The following CADM2 variants were observed in gnomAD, a reference collection of about 807,000 sequenced individuals.
CADM2 encodes cell adhesion molecule 2, also known as immunoglobulin superfamily member 4D.
A neutral mutation model predicts 49.8 loss-of-function variants in CADM2; 12 were observed. The observed-to-expected ratio is 0.24, with a 90% CI of 0.15 to 0.39. The LOEUF is 0.39. Among genes scored for constraint, CADM2 ranks in the 10% least tolerant of loss-of-function variants. CADM2 has a pLI of 1.00. For synonymous variants in CADM2, 214 were observed against 175.4 expected (o/e 1.22, Z -1.74); for missense variants, 378 against 492.3 (o/e 0.77, Z 2.20).
chr3:85,185,110 G>A (rs570867530), intron 1 of CADM2, among the ~76,000 whole-genome samples: 3 of 152,180 alleles, frequency 2.0e-5, no homozygotes, highest in Admixed American at 1.3e-4. Flanking sequence ...ATATATTGCA[G>A]CACTCTTCTG....
intron 3 of CADM2, among the ~76,000 whole-genome samples, chr3:85,806,976 A>T (rs1039577765): frequency 2.0e-5 from 3 of 152,196 alleles, no homozygotes; most frequent in African/African-American, 7.2e-5. Flanking sequence ...ATAAGACCTA[A>T]CAATCAAGGA....
intron 2 of CADM2, among the ~76,000 whole-genome samples, chr3:85,726,847 T>A (rs950873476): frequency 5.9e-5 from 9 of 152,086 alleles, no homozygotes; most frequent in Non-Finnish European, 1.3e-4. Flanking sequence ...GTACCTTAGT[T>A]TCCTTGATAA....
intron 1 of CADM2, among the ~76,000 whole-genome samples, chr3:85,496,483 A>G (rs2039903771): frequency 6.6e-6 from 1 of 152,148 alleles, no homozygotes; most frequent in Non-Finnish European, 1.5e-5. Flanking sequence ...TGCTATTGTG[A>G]ATAGTGTTGC....
chr3:86,017,826 A>C (rs923229261), intron 8 of CADM2, among the ~76,000 whole-genome samples: 3 of 134,558 alleles, frequency 2.2e-5, no homozygotes, highest in African/African-American at 7.5e-5. Context: ...GTACCCTTAA[A>C]AACTTTTTTC....
In CADM2 at chr3:85,695,909, C is replaced by A. The variant is rs150103224; in HGVS notation, c.62-30613C>A. On this transcript the variant is annotated intron_variant, in intron 1 of 9. Coordinates refer to ENST00000383699, the MANE Select transcript of CADM2 (RefSeq NM_001167675.2). ...AGCATTCCCTGTTCACAGCACAATG[C>A]CAACATCAATTTTTTTTCTTTTTAG... Among the ~76,000 whole-genome samples, 423 of 152,130 alleles carry A rather than the reference C, an allele frequency of 2.8e-3. 1 individual carries two copies. Among genetic ancestry groups the A allele is most frequent in the Non-Finnish European group, 4.7e-3 (319 of 67,968 alleles).
intron 1 of CADM2, among the ~76,000 whole-genome samples, chr3:85,132,156 T>A (rs564177968): frequency 6.6e-6 from 1 of 152,352 alleles, no homozygotes; most frequent in East Asian, 1.9e-4. Flanking sequence ...ATGATTAAAG[T>A]TGCATTAGCC....
chr3:85,774,875 A>G (rs2070280780), intron 2 of CADM2, among the ~76,000 whole-genome samples: 1 of 151,744 alleles, frequency 6.6e-6, no homozygotes, highest in African/African-American at 2.4e-5. Flanking sequence ...CGATAGAACC[A>G]CTAGGTTCAG....
chr3:85,118,760 T>A (rs2038738227), intron 1 of CADM2, among the ~76,000 whole-genome samples: 1 of 152,166 alleles, frequency 6.6e-6, no homozygotes, highest in Non-Finnish European at 1.5e-5. Flanking sequence ...TATTTACTTA[T>A]TTATTTGAGA....
intron 1 of CADM2, among the ~76,000 whole-genome samples, chr3:85,105,162 T>G (rs1287508179): frequency 3.3e-5 from 5 of 152,046 alleles, no homozygotes; most frequent in Non-Finnish European, 5.9e-5. Context: ...ACAGGCAACC[T>G]ACAAAATGGG....
intron 1 of CADM2, among the ~76,000 whole-genome samples, chr3:84,975,548 C>CT (rs2031765438): frequency 6.6e-6 from 1 of 151,658 alleles, no homozygotes; most frequent in Non-Finnish European, 1.5e-5. Context: ...CAAATACCTC[C>CT]TTGTAGAATT....
intron 1 of CADM2, among the ~76,000 whole-genome samples, chr3:85,415,892 A>T (rs1011282209): frequency 9.2e-5 from 14 of 152,098 alleles, no homozygotes; most frequent in Admixed American, 3.9e-4. Context: ...ATATTTAATT[A>T]TTGCAAATTT....
chr3:85,652,720 T>C (rs1423768040), intron 1 of CADM2, among the ~76,000 whole-genome samples: 1 of 150,794 alleles, frequency 6.6e-6, no homozygotes, highest in East Asian at 2.0e-4. Context: ...TATGACAGTA[T>C]TTCCCAAATG....
intron 1 of CADM2, among the ~76,000 whole-genome samples, chr3:85,009,124 G>A (rs2033871170): frequency 6.6e-6 from 1 of 152,142 alleles, no homozygotes; most frequent in African/African-American, 2.4e-5. Flanking sequence ...GTGGATCCCT[G>A]GGGAAGTTGA....
At chr3:85,600,257 A>G (rs1228718265) in intron 1 of CADM2, among the ~76,000 whole-genome samples, 3 of 151,910 alleles carry the variant, frequency 2.0e-5, no homozygotes, top group Non-Finnish European at 2.9e-5. Context: ...AACTTAGAAA[A>G]TCATAGATTA....
chr3:85,913,329 A>G (rs766719159), intron 6 of CADM2, among the ~76,000 whole-genome samples: 1 of 152,218 alleles, frequency 6.6e-6, no homozygotes, highest in Non-Finnish European at 1.5e-5. Flanking sequence ...GAAATAAAAT[A>G]TAAAAGAATA....
intron 1 of CADM2, among the ~76,000 whole-genome samples, chr3:85,182,430 T>G (rs1275029839): frequency 6.6e-6 from 1 of 152,086 alleles, no homozygotes; most frequent in Non-Finnish European, 1.5e-5. Context: ...AATTTCACCT[T>G]GTGGTAGTCT....
chr3:85,783,968 C>CT (rs2070812854), intron 2 of CADM2, among the ~76,000 whole-genome samples: 1 of 152,132 alleles, frequency 6.6e-6, no homozygotes, highest in African/African-American at 2.4e-5. Flanking sequence ...AACAATGGGA[C>CT]TTGAAATTAC....
chr3:86,040,399 G>C lies in CADM2; in HGVS notation c.971-25206G>C, dbSNP rs572931455. ...AGAGAAGTCCTTAAAGGACCTAATG[G>C]AGCTGAAAACCAAGGTATGAGAACT... On this transcript the variant is annotated intron_variant, in intron 8 of 9. Transcript: ENST00000383699. Among the ~76,000 whole-genome samples, 6 of 152,278 alleles carry C rather than the reference G, an allele frequency of 3.9e-5. No individual in the cohort carries two copies. In the East Asian group the frequency reaches 1.2e-3, roughly 29 times the overall value.
At chr3:85,433,065 A>G (rs2036758239) in intron 1 of CADM2, among the ~76,000 whole-genome samples, 1 of 152,098 alleles carries the variant, frequency 6.6e-6, no homozygotes, top group Non-Finnish European at 1.5e-5. Context: ...GTATTTAAGA[A>G]TTTATACATG....
Sources: gnomAD v4.1 joint callset for allele counts (sites outside exome capture counted in the v4.1 genomes callset) on GRCh38, gnomAD v4.1.1 for gene constraint, MANE v1.5 for transcripts, NCBI Gene and HGNC (gene_info 2026-07-23, HGNC 2026-07-21) for gene names.